The following EPB41L4A variants were observed in gnomAD, a reference collection of about 807,000 sequenced individuals.
EPB41L4A encodes erythrocyte membrane protein band 4.1 like 4A, also known as band 4.1-like protein 4A.
Under a neutral mutation model 108.6 loss-of-function variants are expected in EPB41L4A, and 100 were observed. The ratio of observed to expected loss-of-function variants is 0.92; its 90% CI spans 0.78 to 1.09. The LOEUF (loss-of-function observed/expected upper bound fraction) is 1.09, where lower values mean the gene tolerates loss of function less well. Among genes scored for constraint, EPB41L4A ranks in the 50% least tolerant of loss-of-function variants. EPB41L4A has a pLI of 0.00. For missense variants in EPB41L4A, 1,030 were observed against 842.7 expected (o/e 1.22, Z -2.75); for synonymous variants, 319 against 289.0 (o/e 1.10, Z -1.05).
chr5:112,287,616 C>A (rs58672375), intron 2 of EPB41L4A, among the ~76,000 whole-genome samples: 32,013 of 152,092 alleles, frequency 0.21, 3,675 homozygotes, highest in African/African-American at 0.28. Flanking sequence ...AACACAAAAT[C>A]CTTCTAATAA....
intron 1 of EPB41L4A, among the ~76,000 whole-genome samples, chr5:112,414,718 C>G (rs1236148409): frequency 6.6e-6 from 1 of 152,166 alleles, no homozygotes; most frequent in Non-Finnish European, 1.5e-5. Flanking sequence ...AAATCACATT[C>G]AAGTCATGGA....
intron 1 of EPB41L4A, among the ~76,000 whole-genome samples, chr5:112,325,435 C>G (rs1428350812): frequency 7.0e-6 from 1 of 143,688 alleles, no homozygotes; most frequent in African/African-American, 2.8e-5. Flanking sequence ...TGCGAGACTC[C>G]GTCTCATAAA....
At chr5:112,171,135 T>G in intron 18 of EPB41L4A, 143 bp from the exon 19 acceptor site, 3 of 695,740 alleles carry the variant, frequency 4.3e-6, no homozygotes, top group Non-Finnish European at 7.3e-6. Context: ...GGAGAGCCAT[T>G]GTGATGGTTA....
chr5:112,380,443 A>C (rs2112599774), intron 1 of EPB41L4A, among the ~76,000 whole-genome samples: 1 of 152,302 alleles, frequency 6.6e-6, no homozygotes, highest in South Asian at 2.1e-4. Context: ...ATATTCTACA[A>C]AATGATAAAA....
intron 4 of EPB41L4A, among the ~76,000 whole-genome samples, chr5:112,274,970 T>C (rs985102363): frequency 1.3e-5 from 2 of 152,234 alleles, no homozygotes; most frequent in East Asian, 3.8e-4. Context: ...CAAATGTATA[T>C]TTAGAAGTAC....
intron 18 of EPB41L4A, among the ~76,000 whole-genome samples, chr5:112,182,623 C>T (rs1389022574): frequency 1.3e-5 from 2 of 152,074 alleles, no homozygotes; most frequent in Non-Finnish European, 2.9e-5. Flanking sequence ...TATCAAGTTG[C>T]CAAACCTTGT....
intron 1 of EPB41L4A, among the ~76,000 whole-genome samples, chr5:112,405,401 GAT>G (rs879555936): frequency 2.6e-5 from 4 of 152,178 alleles, no homozygotes; most frequent in Non-Finnish European, 5.9e-5. Flanking sequence ...AGAAATTGTT[GAT>G]GATAAATACT....
At chr5:112,161,351 C>T (rs1370213377), downstream of EPB41L4A, 4 of 401,368 alleles carry the variant, frequency 1.0e-5, no homozygotes, top group East Asian at 6.0e-5. Context: ...TCGCATTTCA[C>T]TTTTCATTAT....
chr5:112,252,536 G>T lies in EPB41L4A; in HGVS notation c.795+6693C>A, dbSNP rs112197475. Among the ~76,000 whole-genome samples, 1,229 of 152,250 alleles carry T rather than the reference G, an allele frequency of 8.1e-3. 23 individuals are homozygous for T. The highest frequency in any genetic ancestry group is 0.028 in the African/African-American group (1,159 of 41,548). ...CAAAGGCAGGAGTCAGATTGAAAGG[G>T]TTCCCAATGACCAAATGTGAACAGC... On this transcript the variant is annotated intron_variant, in intron 9 of 22. Transcript: ENST00000261486.
At chr5:112,212,997 A>G (rs1452096153) in intron 12 of EPB41L4A, among the ~76,000 whole-genome samples, 1 of 152,250 alleles carries the variant, frequency 6.6e-6, no homozygotes, top group African/African-American at 2.4e-5. Flanking sequence ...AAAAAGAAAA[A>G]TTGCAAACTA....
At chr5:112,402,664 A>G (rs1761842977) in intron 1 of EPB41L4A, among the ~76,000 whole-genome samples, 1 of 152,008 alleles carries the variant, frequency 6.6e-6, no homozygotes, top group Non-Finnish European at 1.5e-5. Context: ...CCCTGGGGAG[A>G]AAAAAAATCC....
chr5:112,156,454 C>G (rs1225810452), intron 12 of EPB41L4A, among the ~76,000 whole-genome samples: 1 of 151,952 alleles, frequency 6.6e-6, no homozygotes, highest in Non-Finnish European at 1.5e-5. Context: ...AACGTTCCAG[C>G]TGATAGAGTC....
At chr5:112,417,776 GC>G (rs1762797825) in intron 1 of EPB41L4A, among the ~76,000 whole-genome samples, 1 of 152,140 alleles carries the variant, frequency 6.6e-6, no homozygotes, top group African/African-American at 2.4e-5. Context: ...CAATCTTGTA[GC>G]TTTAACTGAT....
At chr5:112,168,323 A>T (rs1580355355) in intron 22 of EPB41L4A, among the ~76,000 whole-genome samples, 1 of 152,376 alleles carries the variant, frequency 6.6e-6, no homozygotes, top group East Asian at 1.9e-4. Flanking sequence ...GATGGAGAAG[A>T]CAGAAATAAA....
chr5:112,231,537 G>A (rs1213615325), intron 12 of EPB41L4A, among the ~76,000 whole-genome samples: 2 of 151,166 alleles, frequency 1.3e-5, no homozygotes, highest in Non-Finnish European at 3.0e-5. Flanking sequence ...TGTAATCCCA[G>A]CACTTTGGGA....
intron 9 of EPB41L4A, among the ~76,000 whole-genome samples, chr5:112,248,462 T>C (rs1750397072): frequency 6.6e-6 from 1 of 152,208 alleles, no homozygotes; most frequent in African/African-American, 2.4e-5. Flanking sequence ...GGTCATTTCA[T>C]ACCAGAAGCA....
intron 12 of EPB41L4A, among the ~76,000 whole-genome samples, chr5:112,211,793 A>C (rs1414492594): frequency 6.6e-6 from 1 of 152,194 alleles, no homozygotes; most frequent in East Asian, 1.9e-4. Flanking sequence ...GAGAAAACAA[A>C]GGGTGGTTTC....
chr5:112,362,526 C>T (rs1473499831), intron 1 of EPB41L4A, among the ~76,000 whole-genome samples: 2 of 152,148 alleles, frequency 1.3e-5, no homozygotes, highest in East Asian at 3.9e-4. Context: ...GGTGATCCGC[C>T]CACCTCAGCC....
chr5:112,210,864 T>C (rs1022460545), intron 12 of EPB41L4A, among the ~76,000 whole-genome samples: 2 of 152,098 alleles, frequency 1.3e-5, no homozygotes, highest in African/African-American at 2.4e-5. Context: ...CTATGTGCCA[T>C]ACAGGTGTGT....
Sources: allele counts gnomAD v4.1 joint callset (sites outside exome capture counted in the v4.1 genomes callset), GRCh38; gene constraint gnomAD v4.1.1; transcripts MANE v1.5; gene names NCBI Gene and HGNC (gene_info 2026-07-23, HGNC 2026-07-21).